The following CTNNA3 variants were observed in gnomAD, a reference collection of about 807,000 sequenced individuals.
CTNNA3 encodes the protein catenin alpha 3.
CTNNA3 carries 76 observed loss-of-function variants against 95.7 expected under a neutral mutation model. That is an observed-to-expected ratio of 0.79 (90% CI 0.66 to 0.96). CTNNA3 has a LOEUF of 0.96. Ranked by LOEUF, CTNNA3 falls within the 40% of genes least tolerant of loss-of-function variation. The pLI is 0.00. For missense variants in CTNNA3, 1,191 were observed against 1,089.8 expected (o/e 1.09, Z -1.31); for synonymous variants, 431 against 374.4 (o/e 1.15, Z -1.74).
intron 7 of CTNNA3, among the ~76,000 whole-genome samples, chr10:66,877,073 A>G (rs537667391): frequency 1.4e-3 from 212 of 152,090 alleles, no homozygotes; most frequent in African/African-American, 5.0e-3. Context: ...TGACTTTCTT[A>G]CCTCTGCATC....
At chr10:66,843,195 C>A (rs1190684599) in intron 7 of CTNNA3, among the ~76,000 whole-genome samples, 3 of 152,248 alleles carry the variant, frequency 2.0e-5, no homozygotes, top group Non-Finnish European at 4.4e-5. Context: ...AACCTGACAT[C>A]TTCACTTTAT....
intron 7 of CTNNA3, among the ~76,000 whole-genome samples, chr10:66,864,766 A>G (rs1489911119): frequency 2.0e-5 from 3 of 152,178 alleles, no homozygotes; most frequent in African/African-American, 7.2e-5. Flanking sequence ...GCTCATTAAC[A>G]TAGATGTAGC....
At chr10:66,037,671 AC>A (rs200858281) in intron 15 of CTNNA3, among the ~76,000 whole-genome samples, 690 of 59,540 alleles carry the variant, frequency 0.012, 2 homozygotes, top group Non-Finnish European at 0.019. Context: ...GGATTCCAGT[AC>A]GGTCAAGAAA....
At chr10:66,260,871 A>G (rs1397097353) in intron 13 of CTNNA3, among the ~76,000 whole-genome samples, 5 of 152,092 alleles carry the variant, frequency 3.3e-5, no homozygotes, top group Non-Finnish European at 7.4e-5. Flanking sequence ...CATAGAGATC[A>G]TTTCACCTTC....
chr10:66,115,508 T>C (rs900361620), intron 13 of CTNNA3, among the ~76,000 whole-genome samples: 1 of 145,324 alleles, frequency 6.9e-6, no homozygotes, highest in Non-Finnish European at 1.5e-5. Context: ...ATGGGGAATA[T>C]AGATAGATAG....
At chr10:66,045,590 T>C (rs907722617) in intron 15 of CTNNA3, among the ~76,000 whole-genome samples, 16 of 152,314 alleles carry the variant, frequency 1.1e-4, no homozygotes, top group African/African-American at 3.8e-4. Context: ...TAACTCCTGC[T>C]TAAAAGTGGA....
At chr10:66,382,888 T>C (rs1378102820) in intron 11 of CTNNA3, among the ~76,000 whole-genome samples, 1 of 151,998 alleles carries the variant, frequency 6.6e-6, no homozygotes, top group East Asian at 1.9e-4. Flanking sequence ...AGGAGTAGCA[T>C]CAACATCAAC....
intron 14 of CTNNA3, 53 bp from the exon 15 acceptor site, chr10:66,069,542 T>G (rs2080387529): frequency 7.2e-7 from 1 of 1,394,240 alleles, no homozygotes; most frequent in African/African-American, 1.4e-5. Flanking sequence ...CAAAAGCATT[T>G]TAGGAATAAG....
At chr10:66,178,440 T>TATATATATATAC (rs1231414006) in intron 13 of CTNNA3, among the ~76,000 whole-genome samples, 12 of 105,728 alleles carry the variant, frequency 1.1e-4, no homozygotes, top group Non-Finnish European at 2.3e-4. Context: ...TATATATATA[T>TATATATATATAC]ATACACACAC....
intron 6 of CTNNA3, among the ~76,000 whole-genome samples, chr10:67,205,345 T>C (rs1031029583): frequency 2.0e-5 from 3 of 152,200 alleles, no homozygotes; most frequent in Non-Finnish European, 4.4e-5. Flanking sequence ...TCCTTAATGG[T>C]GTGTTCCTGT....
At chr10:66,238,918 G>A (rs936993895) in intron 13 of CTNNA3, among the ~76,000 whole-genome samples, 9 of 151,720 alleles carry the variant, frequency 5.9e-5, no homozygotes, top group Non-Finnish European at 1.2e-4. Context: ...GTAATACCTT[G>A]GTAAGATGAA....
At chr10:66,209,680 G>C (rs898762654) in intron 13 of CTNNA3, among the ~76,000 whole-genome samples, 6 of 152,066 alleles carry the variant, frequency 3.9e-5, no homozygotes, top group African/African-American at 1.2e-4. Flanking sequence ...AAAAATAGAG[G>C]AGTCAGGGAT....
At chr10:65,922,009 T>C (rs2077094047) in intron 17 of CTNNA3, among the ~76,000 whole-genome samples, 1 of 152,184 alleles carries the variant, frequency 6.6e-6, no homozygotes, top group Admixed American at 6.5e-5. Context: ...CTTATTATCT[T>C]CATTTTATGG....
chr10:67,657,980 T>C (rs1386766522), intron 1 of CTNNA3, among the ~76,000 whole-genome samples: 1 of 151,768 alleles, frequency 6.6e-6, no homozygotes, highest in Non-Finnish European at 1.5e-5. Context: ...CTAGATTTCA[T>C]CTCCACTCAG....
At chr10:66,692,099 C>A (rs1053693413) in intron 9 of CTNNA3, among the ~76,000 whole-genome samples, 1 of 152,188 alleles carries the variant, frequency 6.6e-6, no homozygotes, top group Non-Finnish European at 1.5e-5. Flanking sequence ...AGCAATGGAA[C>A]AAAGCTGGAC....
chr10:67,571,113 T>A (rs982710740), intron 3 of CTNNA3, among the ~76,000 whole-genome samples: 23 of 152,082 alleles, frequency 1.5e-4, no homozygotes, highest in Non-Finnish European at 2.9e-4. Context: ...TCTCTAATAT[T>A]AATGATGATA....
rs1156610182 is a variant in CTNNA3, at chr10:67,302,063, GAAAGAAAGAAAGAAAGAAAGAA to G, written c.580-82215_580-82194del. ...AGAAAGAAAGAAAGAAAGAAAGAAA[GAAAGAAAGAAAGAAAGAAAGAA>G]AGAAAGAAAGAAAATCCTTTCATTT... is the stretch of plus-strand genomic sequence containing the variant. On this transcript the variant is annotated intron_variant, in intron 5 of 17. Coordinates refer to ENST00000433211, the MANE Select transcript of CTNNA3 (RefSeq NM_013266.4). Among the ~76,000 whole-genome samples, 23 of 84,086 alleles carry G rather than the reference GAAAGAAAGAAAGAAAGAAAGAA, an allele frequency of 2.7e-4. 1 individual carries two copies. The highest frequency in any genetic ancestry group is 2.5e-3 in the Admixed American group (23 of 9,122). 55.2% of individuals were successfully genotyped at this position (84,086 alleles called of 152,430 possible). A position where few individuals can be genotyped will look rare whatever the true frequency, so the allele number is the denominator to read the frequency against.
At chr10:66,244,413 A>C (rs2090226403) in intron 13 of CTNNA3, among the ~76,000 whole-genome samples, 1 of 152,158 alleles carries the variant, frequency 6.6e-6, no homozygotes, top group Non-Finnish European at 1.5e-5. Context: ...GGCAGTAGCC[A>C]GGTAGTAGTT....
At chr10:66,815,857 C>A (rs1842058390) in intron 7 of CTNNA3, among the ~76,000 whole-genome samples, 1 of 152,086 alleles carries the variant, frequency 6.6e-6, no homozygotes, top group Admixed American at 6.6e-5. Flanking sequence ...GGGGCAATTT[C>A]CAGGCTGAAA....
Sources: gnomAD v4.1 joint callset for allele counts (sites outside exome capture counted in the v4.1 genomes callset) on GRCh38, gnomAD v4.1.1 for gene constraint, MANE v1.5 for transcripts, NCBI Gene and HGNC (gene_info 2026-07-23, HGNC 2026-07-21) for gene names.